Variants in HOMER2 observed in about 807,000 individuals in gnomAD.
HOMER2 encodes the protein homer scaffold protein 2.
In HOMER2, 27 loss-of-function variants were observed where a neutral mutation model predicts 47.0. The observed-to-expected ratio is 0.57, with a 90% CI of 0.42 to 0.79. The LOEUF (loss-of-function observed/expected upper bound fraction) is 0.79, where lower values mean the gene tolerates loss of function less well. HOMER2 is among the 30% of genes least tolerant of loss of function. The probability of loss-of-function intolerance (pLI) is 0.00; values close to 1 mark genes in which losing one functional copy is unlikely to be tolerated. For synonymous variants in HOMER2, 161 were observed against 163.8 expected (o/e 0.98, Z 0.13); for missense variants, 443 against 435.0 (o/e 1.02, Z -0.16).
At chr15:82,955,723 T>G (rs1304286042), upstream of HOMER2, among the ~76,000 whole-genome samples, 1 of 152,232 alleles carries the variant, frequency 6.6e-6, no homozygotes, top group African/African-American at 2.4e-5. Flanking sequence ...AGAAATATAT[T>G]TATTCTTTCA....
chr15:82,849,952 C>A, intron 8 of HOMER2, 49 bp from the exon 9 acceptor site: 2 of 1,579,332 alleles, frequency 1.3e-6, no homozygotes, highest in South Asian at 2.3e-5. Flanking sequence ...TGACGAGAGT[C>A]ATCCTTCAAA....
intron 1 of HOMER2, among the ~76,000 whole-genome samples, chr15:82,978,232 C>T (rs959700444): frequency 6.6e-6 from 1 of 152,144 alleles, no homozygotes; most frequent in African/African-American, 2.4e-5. Context: ...ATCAGATTGC[C>T]AGACTCAATG....
intron 2 of HOMER2, among the ~76,000 whole-genome samples, chr15:82,880,739 G>C (rs566710208): frequency 5.9e-5 from 9 of 152,280 alleles, no homozygotes; most frequent in African/African-American, 1.9e-4. Context: ...CGAGACTTGA[G>C]TAAACTGGGG....
chr15:82,979,236 G>A (rs1260340817), intron 1 of HOMER2, among the ~76,000 whole-genome samples: 1 of 152,134 alleles, frequency 6.6e-6, no homozygotes, highest in African/African-American at 2.4e-5. Context: ...AGCAGCATAA[G>A]AACAGACTAA....
chr15:82,843,017 A>C (rs1175963949), exon 2 of HOMER2: 1 of 151,996 alleles, frequency 6.6e-6, no homozygotes, highest in Non-Finnish European at 1.5e-5. Flanking sequence ...CACCTTGGCG[A>C]CCCAAAGTGT....
At chr15:82,873,807 TG>T (rs1322853044) in intron 3 of HOMER2, among the ~76,000 whole-genome samples, 5 of 152,182 alleles carry the variant, frequency 3.3e-5, no homozygotes, top group Non-Finnish European at 7.3e-5. Flanking sequence ...GGACAGTCTG[TG>T]GGGTATCCCC....
chr15:82,897,900 G>A (rs530716559), intron 1 of HOMER2, among the ~76,000 whole-genome samples: 1 of 152,264 alleles, frequency 6.6e-6, no homozygotes, highest in Admixed American at 6.5e-5. Context: ...TGAAGCAAAG[G>A]GCCCAACTAA....
intron 1 of HOMER2, among the ~76,000 whole-genome samples, chr15:82,896,061 T>C (rs909903033): frequency 6.6e-6 from 1 of 151,850 alleles, no homozygotes; most frequent in Non-Finnish European, 1.5e-5. Flanking sequence ...TCCAGAAAGT[T>C]CTCCCACAGC....
chr15:82,924,360 CTT>C (rs11318640), intron 1 of HOMER2, among the ~76,000 whole-genome samples: 102 of 127,528 alleles, frequency 8.0e-4, no homozygotes, highest in African/African-American at 1.1e-3. Flanking sequence ...TGTGCTGGCC[CTT>C]TTTTTTTTTT....
intron 1 of HOMER2, among the ~76,000 whole-genome samples, chr15:82,980,835 A>C (rs147174870): frequency 1.3e-5 from 2 of 152,176 alleles, no homozygotes; most frequent in Non-Finnish European, 2.9e-5. Flanking sequence ...TGGTTTTATT[A>C]GAGTGGTTTC....
chr15:82,922,541 T>C (rs1337547944), intron 1 of HOMER2, among the ~76,000 whole-genome samples: 3 of 152,218 alleles, frequency 2.0e-5, no homozygotes, highest in Admixed American at 1.3e-4. Flanking sequence ...ACTAGGTATA[T>C]GCTGGCTCGG....
At chr15:82,911,460 GT>G (rs887272547) in intron 1 of HOMER2, among the ~76,000 whole-genome samples, 13 of 152,074 alleles carry the variant, frequency 8.5e-5, no homozygotes, top group African/African-American at 3.1e-4. Flanking sequence ...AAAAAAAGCT[GT>G]TTTTTTATTT....
At chr15:82,941,421 C>T (rs547107229) in intron 1 of HOMER2, among the ~76,000 whole-genome samples, 111 of 118,580 alleles carry the variant, frequency 9.4e-4, no homozygotes, top group Admixed American at 1.6e-3. Flanking sequence ...CTAGCCTGGG[C>T]GACAGAGTGA....
chr15:82,859,330 C>A (rs1212023383), intron 4 of HOMER2, 195 bp from the exon 5 acceptor site: 26 of 708,132 alleles, frequency 3.7e-5, no homozygotes, highest in African/African-American at 2.4e-4. Context: ...AACAAACAAA[C>A]AAAAAAGAAA....
intron 1 of HOMER2, among the ~76,000 whole-genome samples, chr15:82,972,456 TCTC>T (rs1003796676): frequency 7.2e-5 from 11 of 152,150 alleles, no homozygotes; most frequent in African/African-American, 2.7e-4. Context: ...AGAAAATTCT[TCTC>T]CTGCCTCAGC....
intron 8 of HOMER2, 82 bp from the exon 9 acceptor site, chr15:82,849,985 A>G (rs906200307): frequency 4.3e-6 from 6 of 1,399,248 alleles, no homozygotes; most frequent in Non-Finnish European, 5.9e-6. Flanking sequence ...TGAACCAACC[A>G]TTCTCCATCC....
At position 82,849,873 on chromosome 15, in the gene HOMER2, C is replaced by T. The variant is rs371234312; in HGVS notation, c.874G>A (p.Asp292Asn). ...TCTGTCTTTAAGGAACGCACTTTGTCTTCCAGGTTTTGATTGTCTCTCTCT... is the reference window on the plus strand; with the variant it reads ...TCTGTCTTTAAGGAACGCACTTTGTTTTCCAGGTTTTGATTGTCTCTCTCT... Reference protein sequence around the residue: ...AAERDNQNLEDKVRSLKTDIE... With the variant: ...AAERDNQNLENKVRSLKTDIE... The change falls in exon 9 of 9, where the codon GAC becomes AAC. Residue 292 changes from aspartate to asparagine, a missense_variant. Physicochemically the swap from Asp to Asn is conservative, Grantham distance 23. Coordinates refer to ENST00000450735, the MANE Select transcript of HOMER2 (RefSeq NM_004839.4). 13 of 1,613,784 alleles carry T rather than the reference C, an allele frequency of 8.1e-6. No individual in the cohort carries two copies. In the African/African-American group the frequency reaches 1.6e-4, roughly 20 times the overall value.
chr15:82,898,186 T>C (rs566776911), intron 1 of HOMER2, among the ~76,000 whole-genome samples: 1 of 152,264 alleles, frequency 6.6e-6, no homozygotes, highest in South Asian at 2.1e-4. Flanking sequence ...CACCACAAAA[T>C]TCAGAAAAGC....
At chr15:82,838,070 A>C (rs1156976805) in exon 2 of HOMER2, 1 of 152,702 alleles carries the variant, frequency 6.5e-6, no homozygotes, top group Admixed American at 6.5e-5. Flanking sequence ...GAGAGTGCAC[A>C]GCAAGGCCTG....
Sources: gnomAD v4.1 joint callset for allele counts (sites outside exome capture counted in the v4.1 genomes callset) on GRCh38, gnomAD v4.1.1 for gene constraint, MANE v1.5 for transcripts, NCBI Gene and HGNC (gene_info 2026-07-23, HGNC 2026-07-21) for gene names.